The following FUT8 variants were observed in gnomAD, a reference collection of about 807,000 sequenced individuals.
FUT8 encodes the protein alpha-(1,6)-fucosyltransferase.
Under a neutral mutation model 71.3 loss-of-function variants are expected in FUT8, and 29 were observed. The ratio of observed to expected loss-of-function variants is 0.41; its 90% CI spans 0.30 to 0.55. The LOEUF is 0.55. Among genes scored for constraint, FUT8 ranks in the 20% least tolerant of loss-of-function variants. FUT8 has a pLI of 0.34. For synonymous variants in FUT8, 254 were observed against 239.3 expected (o/e 1.06, Z -0.57); for missense variants, 544 against 702.1 (o/e 0.77, Z 2.55).
At chr14:65,517,757 G>A (rs576595141) in intron 2 of FUT8, among the ~76,000 whole-genome samples, 3 of 152,212 alleles carry the variant, frequency 2.0e-5, no homozygotes, top group African/African-American at 7.2e-5. Context: ...CTTGCACTGG[G>A]TAATTTTTTG....
At chr14:65,406,138 C>T (rs2139327004), upstream of FUT8, among the ~76,000 whole-genome samples, 1 of 152,338 alleles carries the variant, frequency 6.6e-6, no homozygotes, top group African/African-American at 2.4e-5. Context: ...AGGATCTATC[C>T]TAATGCATAA....
intron 1 of FUT8, among the ~76,000 whole-genome samples, chr14:65,421,747 C>CCCCCCCCT (rs57713947): frequency 3.7e-4 from 29 of 79,208 alleles, no homozygotes; most frequent in African/African-American, 1.2e-3. Context: ...CCACCCCCCC[C>CCCCCCCCT]TTTTTTTTTT....
At chr14:65,679,498 C>T (rs1031653799) in intron 7 of FUT8, among the ~76,000 whole-genome samples, 2 of 152,062 alleles carry the variant, frequency 1.3e-5, no homozygotes, top group African/African-American at 2.4e-5. Context: ...TAGAGGCACC[C>T]ATTTGTTTTA....
intron 7 of FUT8, among the ~76,000 whole-genome samples, chr14:65,689,933 T>C (rs1893491634): frequency 6.6e-6 from 1 of 152,244 alleles, no homozygotes; most frequent in Admixed American, 6.5e-5. Flanking sequence ...CATTGCCAAA[T>C]CCACAGTCAC....
chr14:65,739,079 G>A (rs1487106759), intron 10 of FUT8, among the ~76,000 whole-genome samples: 3 of 151,890 alleles, frequency 2.0e-5, no homozygotes, highest in Admixed American at 2.0e-4. Flanking sequence ...ATCTTTCTGT[G>A]GCTTAGCTTC....
chr14:65,623,395 A>G (rs1889728981), intron 5 of FUT8, among the ~76,000 whole-genome samples: 3 of 152,122 alleles, frequency 2.0e-5, no homozygotes, highest in African/African-American at 2.4e-5. Flanking sequence ...AATACCTGTC[A>G]TAGGTGGCTT....
At chr14:65,387,889 C>T in the FUT8 span, among the ~76,000 whole-genome samples, 1 of 152,124 alleles carries the variant, frequency 6.6e-6, no homozygotes, top group African/African-American at 2.4e-5. Context: ...AAGTAGAAGT[C>T]GCACTTTTGG....
intron 1 of FUT8, among the ~76,000 whole-genome samples, chr14:65,420,584 G>A (rs1370471539): frequency 2.0e-5 from 3 of 151,882 alleles, no homozygotes; most frequent in East Asian, 1.9e-4. Context: ...GTAAATGCAC[G>A]GTTGGAAAAT....
At chr14:65,722,661 A>C (rs540540554) in intron 8 of FUT8, among the ~76,000 whole-genome samples, 1 of 152,216 alleles carries the variant, frequency 6.6e-6, no homozygotes, top group Non-Finnish European at 1.5e-5. Context: ...TCATCTCTAT[A>C]GAGCCCACTG....
At chr14:65,504,420 C>A (rs1309843892) in intron 2 of FUT8, among the ~76,000 whole-genome samples, 2 of 151,986 alleles carry the variant, frequency 1.3e-5, no homozygotes, top group Non-Finnish European at 2.9e-5. Flanking sequence ...TGATGTTTCC[C>A]CTTTCTTTTA....
At chr14:65,620,330 T>G (rs1319267762) in intron 5 of FUT8, among the ~76,000 whole-genome samples, 2 of 152,198 alleles carry the variant, frequency 1.3e-5, no homozygotes, top group African/African-American at 4.8e-5. Flanking sequence ...TTTGCATTTC[T>G]CATTATCAGT....
chr14:65,425,570 C>G (rs2065372991), intron 1 of FUT8, among the ~76,000 whole-genome samples: 1 of 148,420 alleles, frequency 6.7e-6, no homozygotes, highest in African/African-American at 2.5e-5. Context: ...AGGTGTACAA[C>G]TTGATGTTTT....
At chr14:65,446,678 C>CTTTTTTT (rs11378151) in intron 1 of FUT8, among the ~76,000 whole-genome samples, 1 of 134,262 alleles carries the variant, frequency 7.4e-6, no homozygotes, top group Non-Finnish European at 1.6e-5. Flanking sequence ...TGTTTTAGGG[C>CTTTTTTT]TTTTTTTTTT....
At position 65,616,287 on chromosome 14, in the gene FUT8, T is replaced by C. The variant is rs368517345; in HGVS notation, c.396T>C (p.Ser132=). The part of the protein sequence containing the change: ...GAKELWFFLQ[S]ELKKLKNLEG... The stretch of plus-strand genomic sequence containing the variant: ...AAGAGCTCTGGTTTTTCCTACAGAG[T>C]GAATTGAAGAAATTAAAGAACTTAG... Residue 132 remains serine, a synonymous_variant, in exon 5 of 11, where the codon AGT becomes AGC. Transcript: ENST00000673929. 6.2e-7 allele frequency: 1 copy of C among 1,612,240 alleles called. No individual in the cohort carries two copies. Among genetic ancestry groups the C allele is most frequent in the African/African-American group, 1.3e-5 (1 of 74,766 alleles).
chr14:65,638,092 T>G lies in FUT8; in HGVS notation c.597+8486T>G, dbSNP rs1051680342. The stretch of plus-strand genomic sequence containing the variant: ...GGTCAGTCGTTTCTGAGCAACACCC[T>G]GGCACAAGGTGAAGTTCGTAACCAC... On this transcript the variant is annotated intron_variant, in intron 6 of 10. Coordinates refer to ENST00000673929, the MANE Select transcript of FUT8 (RefSeq NM_001371533.1). The surrounding 1 kb of genome is among the most constrained non-coding windows in gnomAD (Gnocchi z 4.5). Among the ~76,000 whole-genome samples, 1 of 152,258 alleles carries G rather than the reference T, an allele frequency of 6.6e-6. No homozygotes were observed. The highest frequency in any genetic ancestry group is 2.1e-4 in the South Asian group (1 of 4,834).
intron 5 of FUT8, among the ~76,000 whole-genome samples, chr14:65,619,302 T>C (rs908854877): frequency 2.0e-5 from 3 of 152,182 alleles, no homozygotes; most frequent in Non-Finnish European, 4.4e-5. Flanking sequence ...CATTTCTCTG[T>C]AGGTTAGTGA....
intron 2 of FUT8, among the ~76,000 whole-genome samples, chr14:65,499,819 A>C (rs1460240587): frequency 1.9e-5 from 2 of 102,812 alleles, no homozygotes; most frequent in Non-Finnish European, 4.4e-5. Context: ...CCCTGTCTCA[A>C]AAAAAAAAAA....
chr14:65,509,225 A>G (rs1882174423), intron 2 of FUT8, among the ~76,000 whole-genome samples: 1 of 151,876 alleles, frequency 6.6e-6, no homozygotes, highest in Admixed American at 6.6e-5. Flanking sequence ...GTCAAAAATG[A>G]GTTCACTGTA....
intron 2 of FUT8, among the ~76,000 whole-genome samples, chr14:65,499,817 C>CAA (rs201429546): frequency 0.028 from 3,365 of 119,366 alleles, 71 homozygotes; most frequent in Admixed American, 0.091. Flanking sequence ...GACCCTGTCT[C>CAA]AAAAAAAAAA....
Sources: gnomAD v4.1 joint callset for allele counts (sites outside exome capture counted in the v4.1 genomes callset) on GRCh38, gnomAD v4.1.1 for gene constraint, Gnocchi (gnomAD v3.1) non-coding constraint, MANE v1.5 for transcripts, NCBI Gene and HGNC (gene_info 2026-07-23, HGNC 2026-07-21) for gene names.